FBXO38: variants seen among roughly 807,000 people sequenced by gnomAD.
FBXO38 encodes F-box only protein 38.
A neutral mutation model predicts 131.9 loss-of-function variants in FBXO38; 53 were observed. The observed-to-expected ratio is 0.40, with a 90% CI of 0.32 to 0.51. The LOEUF is 0.51. FBXO38 is among the 20% of genes least tolerant of loss of function. FBXO38 has a pLI of 0.53. For missense variants in FBXO38, 1,076 were observed against 1,475.6 expected, an observed-to-expected ratio of 0.73 and a Z score of 4.44; for synonymous variants, 452 against 505.6, an observed-to-expected ratio of 0.89 and a Z score of 1.42.
intron 12 of FBXO38, among the ~76,000 whole-genome samples, chr5:148,418,254 G>C (rs915614860): frequency 1.1e-4 from 16 of 152,222 alleles, no homozygotes; most frequent in African/African-American, 3.9e-4. Flanking sequence ...TCTCTGAAAC[G>C]ATTTTGCTGG....
In FBXO38 at chr5:148,394,839, G is replaced by A. The variant is rs769472447; in HGVS notation, c.63G>A (p.Met21Ile). 1 of 1,603,600 alleles carries A rather than the reference G, an allele frequency of 6.2e-7. No individual in the cohort carries two copies. ...CIMNNEIPEEMTADETKDYMN... is the reference protein window; with the variant it reads ...CIMNNEIPEEITADETKDYMN... ...TGAATAATGAAATTCCAGAAGAAAT[G>A]ACAGCAGATGAAACAAAGGACTATA... Residue 21 changes from methionine (M) to isoleucine (I), a missense_variant, in exon 2 of 22, where the codon ATG (methionine) becomes ATA (isoleucine). Met to Ile is a conservative substitution (Grantham distance 10). This residue lies in a region of FBXO38 where 58 missense variants were observed against 53.1 expected (regional missense o/e 1.09). Coordinates refer to ENST00000340253, the MANE Select transcript of FBXO38 (RefSeq NM_205836.3).
At position 148,406,269 on chromosome 5, in the gene FBXO38, C is replaced by A; in HGVS notation, c.743C>A (p.Ser248Tyr). ...TTTTTTTTTCCAGGACCCACAAATT[C>A]CTTGAAATATGTCCCTTTAGTAACA... ...VMRNCAGPTN[S>Y]LKYVPLVTGL... Residue 248 changes from serine (S) to tyrosine (Y), a missense_variant, in exon 7 of 22, where the codon TCC (serine) becomes TAC (tyrosine). This residue lies in a region of FBXO38 where 66 missense variants were observed against 72.4 expected (regional missense o/e 0.91). Transcript: ENST00000340253. The A allele has an allele frequency of 6.4e-7, 1 of 1,572,924 alleles. No individual in the cohort carries two copies. Among genetic ancestry groups the A allele is most frequent in the Non-Finnish European group, 8.6e-7 (1 of 1,164,196 alleles).
At chr5:148,385,293 G>C (rs1452022131) in intron 1 of FBXO38, among the ~76,000 whole-genome samples, 1 of 152,148 alleles carries the variant, frequency 6.6e-6, no homozygotes. Flanking sequence ...TTAAATGGCT[G>C]TGTGCCCAGA....
chr5:148,417,179 A>C lies in FBXO38; in HGVS notation c.1593A>C (p.Pro531=). ...EENDFRQDLQ[P]GEQQFAADAL... ...ATGACTTTCGGCAAGATCTGCAGCC[A>C]GGAGAGCAGCAGTTTGCAGCTGACG... is the stretch of plus-strand genomic sequence containing the variant. Residue 531 remains proline, a synonymous_variant, in exon 12 of 22, where the codon CCA becomes CCC. Transcript: ENST00000340253. 1.2e-6 allele frequency: 2 copies of C among 1,613,304 alleles called. No homozygotes were observed. The highest frequency in any genetic ancestry group is 1.7e-6 in the Non-Finnish European group (2 of 1,179,290).
chr5:148,415,200 C>T (rs1179401540), intron 10 of FBXO38, among the ~76,000 whole-genome samples: 2 of 152,148 alleles, frequency 1.3e-5, no homozygotes, highest in East Asian at 1.9e-4. Flanking sequence ...AAAAAAATAA[C>T]ATTTATTGGG....
At chr5:148,392,199 G>A (rs1758231721) in intron 1 of FBXO38, among the ~76,000 whole-genome samples, 1 of 152,134 alleles carries the variant, frequency 6.6e-6, no homozygotes, top group Non-Finnish European at 1.5e-5. Flanking sequence ...TTTCCGTAGT[G>A]CACGTGAATG....
At chr5:148,418,041 AATC>A (rs1248941920) in intron 12 of FBXO38, among the ~76,000 whole-genome samples, 7 of 152,156 alleles carry the variant, frequency 4.6e-5, no homozygotes, top group Admixed American at 4.6e-4. Flanking sequence ...CTGACAAAAG[AATC>A]ATCTGTAGGC....
chr5:148,387,412 C>T (rs1226472835), intron 1 of FBXO38, among the ~76,000 whole-genome samples: 3 of 152,228 alleles, frequency 2.0e-5, no homozygotes, highest in Non-Finnish European at 2.9e-5. Flanking sequence ...ATTTCCTCCA[C>T]ATCTGCAGCG....
intron 15 of FBXO38, among the ~76,000 whole-genome samples, chr5:148,429,711 CT>C (rs1391720323): frequency 6.6e-6 from 1 of 152,106 alleles, no homozygotes. Context: ...ACTTATGTCT[CT>C]TGATAAAATT....
At chr5:148,426,857 A>G (rs1488286798) in intron 14 of FBXO38, among the ~76,000 whole-genome samples, 1 of 152,148 alleles carries the variant, frequency 6.6e-6, no homozygotes, top group African/African-American at 2.4e-5. Flanking sequence ...ACCAGGGAGG[A>G]CCACAGCTGA....
chr5:148,390,480 A>G (rs1349609933), intron 1 of FBXO38, among the ~76,000 whole-genome samples: 1 of 152,214 alleles, frequency 6.6e-6, no homozygotes, highest in Non-Finnish European at 1.5e-5. Context: ...GGTAAGAACT[A>G]AAAGACCCAA....
At chr5:148,397,296 A>G (rs556876472) in intron 2 of FBXO38, among the ~76,000 whole-genome samples, 1 of 152,300 alleles carries the variant, frequency 6.6e-6, no homozygotes, top group East Asian at 1.9e-4. Flanking sequence ...TCCTTTGACT[A>G]TATAACTATG....
chr5:148,387,741 G>A (rs1412789587), intron 1 of FBXO38, among the ~76,000 whole-genome samples: 1 of 139,502 alleles, frequency 7.2e-6, no homozygotes, highest in Non-Finnish European at 1.5e-5. Flanking sequence ...TACCAGGCTC[G>A]AGTGCAGTCG....
At chr5:148,419,221 A>T (rs944818298) in intron 12 of FBXO38, among the ~76,000 whole-genome samples, 1 of 152,264 alleles carries the variant, frequency 6.6e-6, no homozygotes, top group African/African-American at 2.4e-5. Flanking sequence ...AGGAAGCCTA[A>T]GAAAACCAGA....
intron 12 of FBXO38, among the ~76,000 whole-genome samples, chr5:148,419,362 C>A (rs937322614): frequency 1.3e-4 from 20 of 151,996 alleles, no homozygotes; most frequent in Non-Finnish European, 2.8e-4. Flanking sequence ...AACACACACA[C>A]ACATATAAGT....
At chr5:148,386,696 C>T (rs1028606171) in intron 1 of FBXO38, among the ~76,000 whole-genome samples, 1 of 152,054 alleles carries the variant, frequency 6.6e-6, no homozygotes. Context: ...AAAGTATAGT[C>T]TTTATATATA....
Position 148,436,984 on chromosome 5 carries a change from A to G in FBXO38, c.2858-1348A>G, listed in dbSNP as rs1287660677. 8.5e-5 allele frequency among the ~76,000 whole-genome samples: 13 copies of G among 152,360 alleles called. No homozygotes were observed. The South Asian group carries it at 2.5e-3, about 29-fold the overall frequency. ...AAGAACTTTCATTCTGTCAGTACCT[A>G]CACCCTTTGAGCTCTGAGAATGTAA... is the stretch of plus-strand genomic sequence containing the variant. On this transcript the variant is annotated intron_variant, in intron 17 of 21. Transcript: ENST00000340253.
At chr5:148,424,626 C>G (rs1482671732) in intron 13 of FBXO38, among the ~76,000 whole-genome samples, 1 of 152,078 alleles carries the variant, frequency 6.6e-6, no homozygotes, top group Non-Finnish European at 1.5e-5. Context: ...AATTTTCTTT[C>G]AAAAGTTTAA....
intron 3 of FBXO38, chr5:148,399,422 T>C: frequency 8.7e-6 from 3 of 343,158 alleles, no homozygotes; most frequent in Admixed American, 4.5e-5. Flanking sequence ...ATTGAGTATA[T>C]GTGTATCACA....
Sources: allele counts gnomAD v4.1 joint callset (sites outside exome capture counted in the v4.1 genomes callset), GRCh38; gene constraint gnomAD v4.1.1; regional missense constraint gnomAD v4.1.1; transcripts MANE v1.5; gene names NCBI Gene and HGNC (gene_info 2026-07-23, HGNC 2026-07-21).